The following DNAH11 variants were observed in gnomAD, a reference collection of about 807,000 sequenced individuals.
The protein encoded by DNAH11 is axonemal beta dynein heavy chain 11.
In DNAH11, 442 loss-of-function variants were observed where a neutral mutation model predicts 526.0. The ratio of observed to expected loss-of-function variants is 0.84; its 90% confidence interval spans 0.78 to 0.91. DNAH11 has a LOEUF of 0.91. Ranked by LOEUF, DNAH11 falls within the 40% of genes least tolerant of loss-of-function variation. DNAH11 has a pLI of 0.00. For missense variants in DNAH11, 6,989 were observed against 5,448.7 expected, an observed-to-expected ratio of 1.28 and a Z score of -8.90; for synonymous variants, 2,461 against 1,935.9, an observed-to-expected ratio of 1.27 and a Z score of -7.12.
intron 8 of DNAH11, among the ~76,000 whole-genome samples, chr7:21,580,558 G>T (rs1005809622): frequency 3.3e-5 from 5 of 152,226 alleles, no homozygotes; most frequent in African/African-American, 1.2e-4. Context: ...ATTTTTCAGG[G>T]TTTCAGAGGC....
At position 21,695,226 on chromosome 7, in the gene DNAH11, A is replaced by G. The variant is rs144239333; in HGVS notation, c.6042-2849A>G. On this transcript the variant is annotated intron_variant, in intron 35 of 81. Transcript: ENST00000409508. ...TCAAGCTACCATTGACTTTCTTCAC[A>G]GAAGTAGAAAATACTACTTTAAATT... Among the ~76,000 whole-genome samples the G allele has an allele frequency of 1.2e-3, 176 of 152,340 alleles. 4 individuals carry two copies. The East Asian group carries it at 0.029, about 25-fold the overall frequency.
At chr7:21,874,480 C>T (rs893475658) in intron 74 of DNAH11, among the ~76,000 whole-genome samples, 9 of 151,794 alleles carry the variant, frequency 5.9e-5, no homozygotes, top group Admixed American at 2.6e-4. Context: ...GGATTACAGG[C>T]GCCCACCACC....
chr7:21,900,905 A>AAAACCAGAATGTT, intron 81 of DNAH11, 102 bp from the exon 82 acceptor site: 1 of 1,478,040 alleles, frequency 6.8e-7, no homozygotes. Context: ...AAAATATGAC[A>AAAACCAGAATGTT]AAACCAGAAT....
At chr7:21,570,966 A>G (rs1424210527) in intron 7 of DNAH11, among the ~76,000 whole-genome samples, 1 of 151,940 alleles carries the variant, frequency 6.6e-6, no homozygotes, top group Non-Finnish European at 1.5e-5. Context: ...ATTGTCATTG[A>G]TAAAGGTTTG....
chr7:21,548,318 T>C (rs1026427885), intron 2 of DNAH11, among the ~76,000 whole-genome samples: 1 of 152,192 alleles, frequency 6.6e-6, no homozygotes, highest in Non-Finnish European at 1.5e-5. Flanking sequence ...TAGCCACCCC[T>C]TTGAGGGCGT....
intron 65 of DNAH11, among the ~76,000 whole-genome samples, chr7:21,823,443 GC>G (rs1790140401): frequency 6.6e-6 from 1 of 152,036 alleles, no homozygotes; most frequent in Non-Finnish European, 1.5e-5. Context: ...TCTTTTCACA[GC>G]CTAAATTCAC....
chr7:21,740,173 T>A (rs928834863), intron 48 of DNAH11, among the ~76,000 whole-genome samples: 1 of 151,482 alleles, frequency 6.6e-6, no homozygotes, highest in Non-Finnish European at 1.5e-5. Flanking sequence ...TCCCTCTGAG[T>A]CCCTGGTAAC....
At chr7:21,552,730 C>T (rs1447672304) in intron 2 of DNAH11, among the ~76,000 whole-genome samples, 2 of 152,170 alleles carry the variant, frequency 1.3e-5, no homozygotes, top group African/African-American at 2.4e-5. Flanking sequence ...ATTATTTTCT[C>T]CCAGTTAATA....
chr7:21,779,640 T>C (rs1027913394), intron 57 of DNAH11, among the ~76,000 whole-genome samples: 7 of 152,232 alleles, frequency 4.6e-5, no homozygotes, highest in African/African-American at 1.7e-4. Flanking sequence ...TAAGATTATA[T>C]AGATTCTGCT....
At chr7:21,771,491 A>C (rs148026933) in intron 55 of DNAH11, among the ~76,000 whole-genome samples, 228 of 152,324 alleles carry the variant, frequency 1.5e-3, no homozygotes, top group African/African-American at 5.2e-3. Flanking sequence ...TTGTGTTGAC[A>C]GTGAGCCAAC....
chr7:21,775,291 A>G (rs1787625044), intron 56 of DNAH11, among the ~76,000 whole-genome samples: 1 of 152,150 alleles, frequency 6.6e-6, no homozygotes, highest in South Asian at 2.1e-4. Context: ...TAGCATATCC[A>G]TATTTGTGCA....
intron 19 of DNAH11, 32 bp from the exon 20 acceptor site, chr7:21,606,615 C>CCT (rs1554319424): frequency 1.0e-6 from 1 of 1,000,454 alleles, no homozygotes. Context: ...TTGAAATTCA[C>CCT]TTTTTTTTTT....
rs1242211350 is a variant in DNAH11 at position 21,717,853 on chromosome 7, C to T, written c.7062C>T (p.Val2354=). The T allele has an allele frequency of 6.2e-7, 1 of 1,613,802 alleles. No individual in the cohort carries two copies. Among genetic ancestry groups the T allele is most frequent in the Non-Finnish European group, 8.5e-7 (1 of 1,179,826 alleles). Residue 2354 remains valine, a synonymous_variant, in exon 43 of 82, where the codon GTC becomes GTT. Coordinates refer to ENST00000409508, the MANE Select transcript of DNAH11 (RefSeq NM_001277115.2). ...TGACTATTCTTTTTGATAAATATGTCCCTGCATGCTTGGATAAACTGAGAA... is the reference window on the plus strand; with the variant it reads ...TGACTATTCTTTTTGATAAATATGTTCCTGCATGCTTGGATAAACTGAGAA... The part of the protein sequence containing the change: ...ANLTILFDKY[V]PACLDKLRTS...
intron 43 of DNAH11, among the ~76,000 whole-genome samples, chr7:21,718,257 C>T (rs769132391): frequency 6.6e-6 from 1 of 152,140 alleles, no homozygotes; most frequent in Non-Finnish European, 1.5e-5. Flanking sequence ...TGTTGAATCA[C>T]TGTGTTCCTT....
chr7:21,734,751 G>T (rs1350653450), intron 45 of DNAH11, among the ~76,000 whole-genome samples: 3 of 152,066 alleles, frequency 2.0e-5, no homozygotes, highest in Non-Finnish European at 4.4e-5. Context: ...TCAGCTACTT[G>T]GGAGGCTGAG....
At chr7:21,700,322 A>G (rs905666893) in intron 36 of DNAH11, among the ~76,000 whole-genome samples, 2 of 152,244 alleles carry the variant, frequency 1.3e-5, no homozygotes, top group African/African-American at 4.8e-5. Flanking sequence ...TGGGTTAGGA[A>G]CACAATTCAA....
chr7:21,792,137 T>A (rs1411036704), intron 61 of DNAH11, among the ~76,000 whole-genome samples: 1 of 152,166 alleles, frequency 6.6e-6, no homozygotes, highest in Non-Finnish European at 1.5e-5. Flanking sequence ...GGGTATTGAA[T>A]TTTGTTGAGT....
intron 8 of DNAH11, 97 bp downstream of exon 8, chr7:21,572,070 C>G: frequency 9.1e-7 from 1 of 1,098,250 alleles, no homozygotes; most frequent in East Asian, 2.9e-5. Context: ...CCATCCATTC[C>G]AATATCTCTA....
intron 61 of DNAH11, among the ~76,000 whole-genome samples, chr7:21,793,564 C>T (rs914459706): frequency 6.8e-6 from 1 of 147,488 alleles, no homozygotes; most frequent in Non-Finnish European, 1.5e-5. Context: ...TGCAGGGAGC[C>T]GAGATCGTGC....
Sources: gnomAD v4.1 joint callset for allele counts (sites outside exome capture counted in the v4.1 genomes callset) on GRCh38, gnomAD v4.1.1 for gene constraint, MANE v1.5 for transcripts, NCBI Gene and HGNC (gene_info 2026-07-23, HGNC 2026-07-21) for gene names.